TEX29: variants seen among roughly 807,000 people sequenced by gnomAD.
TEX29 encodes testis expressed 29.
Under a neutral mutation model 18.2 loss-of-function variants are expected in TEX29, and 26 were observed. The observed-to-expected ratio is 1.43, with a 90% confidence interval of 1.04 to 1.98. The LOEUF is 1.98. TEX29 is among the 30% of genes most tolerant of loss of function. The pLI is 0.00. For synonymous variants in TEX29, 83 were observed against 78.5 expected (o/e 1.06, Z -0.31); for missense variants, 177 against 194.2 (o/e 0.91, Z 0.53).
upstream of TEX29, chr13:111,316,404 G>A: frequency 2.4e-6 from 1 of 410,092 alleles, no homozygotes; most frequent in Admixed American, 2.5e-5. Context: ...GCTGTCCCAT[G>A]CGCAGCTCCT....
chr13:111,339,088 G>A (rs973957162), intron 3 of TEX29, among the ~76,000 whole-genome samples: 21 of 152,296 alleles, frequency 1.4e-4, no homozygotes, highest in African/African-American at 3.1e-4. Context: ...AGTTACCCCC[G>A]TCTTGGAGAG....
At chr13:111,326,880 G>A (rs1051987733) in intron 2 of TEX29, among the ~76,000 whole-genome samples, 5 of 152,282 alleles carry the variant, frequency 3.3e-5, no homozygotes, top group South Asian at 2.1e-4. Flanking sequence ...GAAAAAGGCC[G>A]TGGTGCCTGG....
chr13:111,339,314 G>A (rs1338656155), intron 3 of TEX29: 2 of 454,806 alleles, frequency 4.4e-6, no homozygotes, highest in Non-Finnish European at 8.8e-6. Flanking sequence ...GAATTGACCT[G>A]GGCATTGAGG....
intron 3 of TEX29, among the ~76,000 whole-genome samples, chr13:111,330,023 G>T (rs1371808106): frequency 6.6e-6 from 1 of 151,340 alleles, no homozygotes; most frequent in Non-Finnish European, 1.5e-5. Context: ...AGACCATGGT[G>T]TTGCAAAGAA....
At chr13:111,321,920 C>T (rs373696324) in intron 2 of TEX29, among the ~76,000 whole-genome samples, 6 of 152,260 alleles carry the variant, frequency 3.9e-5, no homozygotes, top group African/African-American at 1.4e-4. Flanking sequence ...CGAGACTCCG[C>T]CTCAAAAACA....
chr13:111,327,098 C>T (rs1485181522), intron 2 of TEX29, among the ~76,000 whole-genome samples: 1 of 152,196 alleles, frequency 6.6e-6, no homozygotes, highest in African/African-American at 2.4e-5. Context: ...CAGCTCAAAT[C>T]ACACACAGCC....
intron 2 of TEX29, among the ~76,000 whole-genome samples, chr13:111,322,738 C>T (rs564338432): frequency 2.6e-5 from 4 of 152,350 alleles, no homozygotes; most frequent in East Asian, 1.9e-4. Flanking sequence ...CATGCAGGGG[C>T]GTCAGCATTG....
chr13:111,336,095 T>C (rs1368675215), intron 3 of TEX29, among the ~76,000 whole-genome samples: 1 of 152,176 alleles, frequency 6.6e-6, no homozygotes, highest in Non-Finnish European at 1.5e-5. Flanking sequence ...TCAAGAAAGT[T>C]TTTGACTTGG....
At chr13:111,333,020 T>C (rs1039832098) in intron 3 of TEX29, among the ~76,000 whole-genome samples, 6 of 152,266 alleles carry the variant, frequency 3.9e-5, no homozygotes, top group Non-Finnish European at 8.8e-5. Flanking sequence ...AATTGCTGGT[T>C]GATAGTCTTC....
intron 3 of TEX29, among the ~76,000 whole-genome samples, chr13:111,329,077 A>C (rs1230160525): frequency 6.6e-6 from 1 of 152,304 alleles, no homozygotes; most frequent in East Asian, 1.9e-4. Flanking sequence ...AGGTCTTCTC[A>C]TTTCCAAACC....
In TEX29 at chr13:111,344,184, G is replaced by A. The variant is rs889735020; in HGVS notation, c.*61G>A. ...ATCCAAATGAAATGGTACAGCAGGTGCACTGTTAACAGTGTGATGGAATGA... is the reference window on the plus strand; with the variant it reads ...ATCCAAATGAAATGGTACAGCAGGTACACTGTTAACAGTGTGATGGAATGA... On this transcript the variant is annotated 3_prime_UTR_variant, in exon 6 of 6. Coordinates refer to ENST00000283547, the MANE Select transcript of TEX29 (RefSeq NM_152324.3). 7.0e-6 allele frequency: 10 copies of A among 1,426,782 alleles called. No homozygotes were observed. The highest frequency in any genetic ancestry group is 1.4e-5 in the African/African-American group (1 of 70,830). 88.4% of individuals were successfully genotyped at this position (1,426,782 alleles called of 1,614,324 possible).
At chr13:111,333,372 C>T (rs1470695099) in intron 3 of TEX29, among the ~76,000 whole-genome samples, 1 of 152,240 alleles carries the variant, frequency 6.6e-6, no homozygotes, top group Non-Finnish European at 1.5e-5. Flanking sequence ...TGGTATCCCA[C>T]AGACCTCTAA....
At chr13:111,319,379 A>T (rs1482893981), upstream of TEX29, among the ~76,000 whole-genome samples, 2 of 152,202 alleles carry the variant, frequency 1.3e-5, no homozygotes, top group Non-Finnish European at 2.9e-5. Context: ...GTGGGATATT[A>T]TTCAGTCGTG....
intron 3 of TEX29, among the ~76,000 whole-genome samples, chr13:111,330,499 G>T (rs1222535082): frequency 1.3e-5 from 2 of 152,222 alleles, no homozygotes; most frequent in Admixed American, 6.5e-5. Flanking sequence ...CCACTTCCAG[G>T]AGCCTCTGGG....
chr13:111,319,673 G>C (rs948223082), upstream of TEX29, among the ~76,000 whole-genome samples: 2 of 152,146 alleles, frequency 1.3e-5, no homozygotes, highest in African/African-American at 4.8e-5. Context: ...TGTTGCCCTG[G>C]CTGGGGTGCA....
upstream of TEX29, among the ~76,000 whole-genome samples, chr13:111,318,728 T>G (rs2093658786): frequency 6.6e-6 from 1 of 152,196 alleles, no homozygotes; most frequent in Non-Finnish European, 1.5e-5. Flanking sequence ...AAGCAGTGTC[T>G]CTGCCTGGGA....
intron 3 of TEX29, among the ~76,000 whole-genome samples, chr13:111,333,737 C>G (rs1220938247): frequency 6.6e-6 from 1 of 152,014 alleles, no homozygotes; most frequent in East Asian, 1.9e-4. Flanking sequence ...TGCCAGAAGG[C>G]AAAGGTGAAG....
At chr13:111,320,025 C>T (rs902938682), upstream of TEX29, among the ~76,000 whole-genome samples, 1 of 152,250 alleles carries the variant, frequency 6.6e-6, no homozygotes, top group Non-Finnish European at 1.5e-5. Flanking sequence ...GTTTCATGCC[C>T]TGCCCTCCTG....
intron 3 of TEX29, among the ~76,000 whole-genome samples, chr13:111,336,662 CT>C (rs2153641943): frequency 6.6e-6 from 1 of 152,260 alleles, no homozygotes; most frequent in South Asian, 2.1e-4. Flanking sequence ...GATTTCAAAA[CT>C]TTTGTTTAAC....
Sources: allele counts gnomAD v4.1 joint callset (sites outside exome capture counted in the v4.1 genomes callset), GRCh38; gene constraint gnomAD v4.1.1; transcripts MANE v1.5; gene names NCBI Gene and HGNC (gene_info 2026-07-23, HGNC 2026-07-21).